The following ZNF596 variants were observed in gnomAD, a reference collection of about 807,000 sequenced individuals.
The protein encoded by ZNF596 is zinc finger protein 596.
ZNF596 carries 45 observed loss-of-function variants against 48.3 expected under a neutral mutation model. The ratio of observed to expected loss-of-function variants is 0.93; its 90% CI spans 0.73 to 1.19. The LOEUF (loss-of-function observed/expected upper bound fraction) is 1.19, where lower values mean the gene tolerates loss of function less well. Ranked by LOEUF, ZNF596 falls within the 50% of genes most tolerant of loss-of-function variation. ZNF596 has a pLI of 0.00. For synonymous variants in ZNF596, 270 were observed against 202.0 expected (o/e 1.34, Z -2.85); for missense variants, 848 against 599.7 (o/e 1.41, Z -4.32).
chr8:243,009 TA>T lies in ZNF596; in HGVS notation c.136del (p.Ile46LeufsTer17). On this transcript the variant is annotated frameshift_variant, in exon 3 of 6. Coordinates refer to ENST00000398612, the MANE Select transcript of ZNF596 (RefSeq NM_001042416.3). LOFTEE classifies it high-confidence loss of function. ...MLENISHLVS[I>X]GKQLCKSVVL... is the part of the protein sequence containing the mutation. ...TGGAGAACATCAGTCATCTGGTCTC[TA>T]TTGGTGAGTCTCTTTATATTTATTA... The T allele has an allele frequency of 6.2e-7, 1 of 1,610,088 alleles. No homozygotes were observed. Among genetic ancestry groups the T allele is most frequent in the Non-Finnish European group, 8.5e-7 (1 of 1,177,080 alleles).
chr8:239,253 A>C (rs1796751286), intron 1 of ZNF596, among the ~76,000 whole-genome samples: 1 of 152,166 alleles, frequency 6.6e-6, no homozygotes, highest in Non-Finnish European at 1.5e-5. Flanking sequence ...CAGTGGTTCG[A>C]TCTCCGCTCA....
chr8:233,813 A>C (rs868088355), intron 1 of ZNF596: 2 of 149,370 alleles, frequency 1.3e-5, no homozygotes, highest in Admixed American at 1.3e-4. Flanking sequence ...CAATATGATT[A>C]AAACCGTGAA....
chr8:232,722 C>T (rs1268518043), intron 1 of ZNF596, 28 bp downstream of exon 1: 2 of 398,486 alleles, frequency 5.0e-6, no homozygotes, highest in Non-Finnish European at 1.0e-5. Flanking sequence ...GGCTTGTCTT[C>T]CATCGTCCCC....
intron 2 of ZNF596, among the ~76,000 whole-genome samples, chr8:241,712 A>C (rs1796860120): frequency 6.6e-6 from 1 of 152,196 alleles, no homozygotes; most frequent in Non-Finnish European, 1.5e-5. Flanking sequence ...GAAGAAACAA[A>C]ATAGAATAGT....
At chr8:237,439 G>C (rs749247901) in intron 1 of ZNF596, 1 of 152,044 alleles carries the variant, frequency 6.6e-6, no homozygotes, top group Admixed American at 6.5e-5. Flanking sequence ...TACGTTTCTT[G>C]AAGATCACAG....
intron 1 of ZNF596, among the ~76,000 whole-genome samples, chr8:239,677 G>C (rs549955330): frequency 6.6e-6 from 1 of 152,200 alleles, no homozygotes; most frequent in Non-Finnish European, 1.5e-5. Context: ...TCTCCAAGCA[G>C]TTGGGGGGTA....
chr8:243,156 C>A, intron 3 of ZNF596, 143 bp downstream of exon 3: 1 of 632,798 alleles, frequency 1.6e-6, no homozygotes. Context: ...CCTTTCATAA[C>A]TCTCACAATT....
At position 245,777 on chromosome 8, in the gene ZNF596, C is replaced by T. The variant is rs1331352571; in HGVS notation, c.930C>T (p.Leu310=). ...THLGDKPYGC[L]LCGKAFSKCS... is the part of the protein sequence containing the mutation. Reference sequence around the variant, plus strand: ...TAGGAGATAAACCATATGGATGTCTCCTATGTGGGAAGGCTTTCAGTAAAT... The same window carrying T: ...TAGGAGATAAACCATATGGATGTCTTCTATGTGGGAAGGCTTTCAGTAAAT... Residue 310 remains leucine (L), a synonymous_variant, in exon 6 of 6, where the codon CTC becomes CTT. Coordinates refer to ENST00000398612, the MANE Select transcript of ZNF596 (RefSeq NM_001042416.3). 1.2e-6 allele frequency: 2 copies of T among 1,613,300 alleles called. No homozygotes were observed. The highest frequency in any genetic ancestry group is 1.1e-5 in the South Asian group (1 of 91,024).
At chr8:238,292 A>G (rs1204395422) in intron 1 of ZNF596, among the ~76,000 whole-genome samples, 1 of 152,062 alleles carries the variant, frequency 6.6e-6, no homozygotes, top group Non-Finnish European at 1.5e-5. Context: ...CTTCTCCCCA[A>G]GGAGAATACG....
intron 1 of ZNF596, 40 bp from the exon 2 acceptor site, chr8:240,784 G>C (rs764206498): frequency 5.7e-4 from 772 of 1,347,194 alleles, no homozygotes; most frequent in South Asian, 9.2e-4. Flanking sequence ...CAAAACTGGA[G>C]TGTCATGGTT....
chr8:237,362 A>T (rs1192595453), intron 1 of ZNF596: 1 of 152,124 alleles, frequency 6.6e-6, no homozygotes, highest in Admixed American at 6.5e-5. Flanking sequence ...CTGAATTTGT[A>T]ACAATTTGGA....
At chr8:239,774 C>G (rs1378991192) in intron 1 of ZNF596, among the ~76,000 whole-genome samples, 4 of 152,062 alleles carry the variant, frequency 2.6e-5, no homozygotes, top group Non-Finnish European at 5.9e-5. Context: ...TGGTGTTCAT[C>G]AAGTAGGCAT....
At chr8:243,148 T>C in intron 3 of ZNF596, 135 bp downstream of exon 3, 1 of 703,288 alleles carries the variant, frequency 1.4e-6, no homozygotes, top group Non-Finnish European at 2.1e-6. Context: ...GCTTTGATCC[T>C]TTCATAACTC....
At chr8:238,726 G>C (rs1044850807) in intron 1 of ZNF596, among the ~76,000 whole-genome samples, 1 of 149,982 alleles carries the variant, frequency 6.7e-6, no homozygotes, top group Non-Finnish European at 1.5e-5. Flanking sequence ...AGAATCACTT[G>C]AATCCAGGAG....
At position 246,814 on chromosome 8, in the gene ZNF596, A is replaced by T. The variant is rs1393427093; in HGVS notation, c.*452A>T. 6.4e-6 allele frequency: 1 copy of T among 155,144 alleles called. No individual in the cohort carries two copies. Among genetic ancestry groups the T allele is most frequent in the African/African-American group, 2.4e-5 (1 of 41,520 alleles). 9.6% of individuals were successfully genotyped at this position (155,144 alleles called of 1,614,324 possible). ...GTGCAAGAAAATTCATTATAAGGTA[A>T]CTGATAAAAACAGGAAATATGTGAA... is the stretch of plus-strand genomic sequence containing the variant. On this transcript the variant is annotated 3_prime_UTR_variant, in exon 6 of 6. Transcript: ENST00000398612.
At position 246,274 on chromosome 8, in the gene ZNF596, T is replaced by C. The variant is rs2072174; in HGVS notation, c.1427T>C (p.Val476Ala). 6.2e-7 allele frequency: 1 copy of C among 1,612,930 alleles called. No individual in the cohort carries two copies. The highest frequency in any genetic ancestry group is 8.5e-7 in the Non-Finnish European group (1 of 1,179,690). Residue 476 changes from valine (V) to alanine (A), a missense_variant, in exon 6 of 6, where the codon GTA becomes GCA. Physicochemically the swap from Val to Ala is moderately conservative, Grantham distance 64 (BLOSUM62 0). Coordinates refer to ENST00000398612, the MANE Select transcript of ZNF596 (RefSeq NM_001042416.3). ...GTTCACACTGGAGAGAAACCATATG[T>C]ATGTCCTCTATGTGGGAAAGCCTTT... ...RRVHTGEKPY[V>A]CPLCGKAFSK... is the part of the protein sequence containing the mutation.
rs1797080675 is a variant in ZNF596 at position 246,199 on chromosome 8, T to C, written c.1352T>C (p.Ile451Thr). The stretch of plus-strand genomic sequence containing the variant: ...GGAGAGAAACCATATGAATGCAATA[T>C]ATGTGGTAAAGCCTTCAATAGAAGT... ...HTGEKPYECNICGKAFNRSYN... is the reference protein window; with the variant it reads ...HTGEKPYECNTCGKAFNRSYN... The change falls in exon 6 of 6, where the codon ATA (isoleucine) becomes ACA (threonine). Residue 451 changes from isoleucine to threonine, a missense_variant. Transcript: ENST00000398612. 1.9e-6 allele frequency: 3 copies of C among 1,614,026 alleles called. No individual in the cohort carries two copies. Among genetic ancestry groups the C allele is most frequent in the African/African-American group, 1.3e-5 (1 of 74,934 alleles).
intron 1 of ZNF596, 172 bp from the exon 2 acceptor site, chr8:240,652 G>C: frequency 1.9e-6 from 1 of 514,928 alleles, no homozygotes; most frequent in Non-Finnish European, 3.5e-6. Context: ...ATCTTTATTA[G>C]CAGCAATAGT....
At chr8:242,352 T>C (rs536503500) in intron 2 of ZNF596, among the ~76,000 whole-genome samples, 22 of 152,358 alleles carry the variant, frequency 1.4e-4, no homozygotes, top group Non-Finnish European at 2.5e-4. Flanking sequence ...AATAATGTAT[T>C]TGTGGCTTGT....
Sources: allele counts gnomAD v4.1 joint callset (sites outside exome capture counted in the v4.1 genomes callset), GRCh38; gene constraint gnomAD v4.1.1; transcripts MANE v1.5; gene names NCBI Gene and HGNC (gene_info 2026-07-23, HGNC 2026-07-21).